IL1A: variants seen among roughly 807,000 people sequenced by gnomAD.
IL1A encodes the protein interleukin-1 alpha.
A neutral mutation model predicts 22.2 loss-of-function variants in IL1A; 16 were observed. That is an observed-to-expected ratio of 0.72 (90% CI 0.49 to 1.09). IL1A has a LOEUF of 1.09. Ranked by LOEUF, IL1A falls within the 50% of genes least tolerant of loss-of-function variation. The pLI, the probability that IL1A is intolerant of heterozygous loss-of-function variation, is 0.00. For missense variants in IL1A, 317 were observed against 321.8 expected (o/e 0.99, Z 0.11); for synonymous variants, 113 against 118.5 (o/e 0.95, Z 0.30).
At chr2:112,778,679 A>G (rs985552003) in intron 5 of IL1A, among the ~76,000 whole-genome samples, 2 of 152,252 alleles carry the variant, frequency 1.3e-5, no homozygotes, top group African/African-American at 4.8e-5. Context: ...CAATCAAGCT[A>G]TTTAGAGTAA....
rs372496657 is a variant in IL1A at position 112,779,611 on chromosome 2, G to A, written c.375C>T (p.Asn125=). 1.9e-6 allele frequency: 3 copies of A among 1,612,770 alleles called. No individual in the cohort carries two copies. Among genetic ancestry groups the A allele is most frequent in the East Asian group, 2.2e-5 (1 of 44,868 alleles). The change falls in exon 5 of 7, where the codon AAC becomes AAT. Residue 125 remains asparagine (N), a synonymous_variant. Coordinates refer to ENST00000263339, the MANE Select transcript of IL1A (RefSeq NM_000575.5). The stretch of plus-strand genomic sequence containing the variant: ...ATTCGTATTTGATGATCCTCATAAA[G>A]TTGTATTTCACATTGCTCAGGAAGC... The part of the protein sequence containing the change: ...PFSFLSNVKY[N]FMRIIKYEFI...
intron 4 of IL1A, among the ~76,000 whole-genome samples, chr2:112,781,034 A>AAAT (rs990109580): frequency 1.3e-5 from 2 of 151,982 alleles, no homozygotes; most frequent in African/African-American, 2.4e-5. Context: ...AAATAAAATA[A>AAAT]AATAATAATA....
At chr2:112,779,766 T>A in intron 4 of IL1A, 100 bp from the exon 5 acceptor site, 1 of 755,812 alleles carries the variant, frequency 1.3e-6, no homozygotes. Context: ...GAGGGGATAT[T>A]AGGAATATTC....
intron 5 of IL1A, among the ~76,000 whole-genome samples, chr2:112,779,246 G>T (rs564063078): frequency 4.5e-4 from 69 of 152,116 alleles, no homozygotes; most frequent in African/African-American, 1.6e-3. Flanking sequence ...ACATCAGCTA[G>T]CTTTGTGCAC....
At position 112,782,568 on chromosome 2, in the gene IL1A, G is replaced by A; in HGVS notation, c.96+148C>T. On this transcript the variant is annotated intron_variant, in intron 3 of 6. Transcript: ENST00000263339. The stretch of plus-strand genomic sequence containing the variant: ...AACTATTAGTTTAGAGAGGCAGCTG[G>A]TCTCACTTATAATGAAAGACAGGTC... 1.1e-5 allele frequency: 7 copies of A among 622,412 alleles called. No homozygotes were observed. In the South Asian group the frequency reaches 1.4e-4, roughly 12 times the overall value. The allele number at this position is 622,412 out of a possible 1,614,324, so 38.6% of individuals were successfully genotyped here.
intron 4 of IL1A, among the ~76,000 whole-genome samples, chr2:112,780,260 T>C (rs983961166): frequency 2.0e-5 from 3 of 152,220 alleles, no homozygotes; most frequent in African/African-American, 7.2e-5. Flanking sequence ...AAAAGCTGGA[T>C]ATAAAGTTGT....
At chr2:112,780,743 A>T in intron 4 of IL1A, among the ~76,000 whole-genome samples, 1 of 77,120 alleles carries the variant, frequency 1.3e-5, no homozygotes, top group East Asian at 2.1e-4. Context: ...TAGTAATAAT[A>T]ATAATAATCA....
At chr2:112,779,706 C>T (rs1681163345) in intron 4 of IL1A, 40 bp from the exon 5 acceptor site, 3 of 1,488,878 alleles carry the variant, frequency 2.0e-6, no homozygotes, top group African/African-American at 1.4e-5. Flanking sequence ...TGTCTATGTA[C>T]AAACACAGAT....
chr2:112,784,157 GGATAGTA>G (rs946819381), intron 1 of IL1A, among the ~76,000 whole-genome samples: 3 of 152,174 alleles, frequency 2.0e-5, no homozygotes, highest in Admixed American at 6.5e-5. Flanking sequence ...TAATAATTTT[GGATAGTA>G]GAGATTCCCT....
intron 6 of IL1A, among the ~76,000 whole-genome samples, chr2:112,777,514 A>G (rs1038184265): frequency 3.3e-5 from 5 of 152,212 alleles, no homozygotes; most frequent in South Asian, 4.1e-4. Context: ...TAATGCTGAC[A>G]TCAATGCAGA....
chr2:112,778,574 T>G (rs961383124), intron 5 of IL1A, among the ~76,000 whole-genome samples: 1 of 152,198 alleles, frequency 6.6e-6, no homozygotes, highest in African/African-American at 2.4e-5. Context: ...GCTGTCAAAT[T>G]ATTTGTGCCC....
In IL1A at chr2:112,782,773, A is replaced by G. The variant is rs373998724; in HGVS notation, c.48-9T>C. ...TGTCTTCTTCATTTTCACTGTCAAA[A>G]TAAGATGATGAGAATGTAATTGTTG... On this transcript the variant is annotated splice_polypyrimidine_tract_variant and intron_variant, in intron 2 of 6. Coordinates refer to ENST00000263339, the MANE Select transcript of IL1A (RefSeq NM_000575.5). The G allele has an allele frequency of 1.8e-5, 28 of 1,595,664 alleles. No homozygotes were observed. In the African/African-American group the frequency reaches 3.4e-4, roughly 19 times the overall value.
chr2:112,781,913 A>G (rs779085314), intron 3 of IL1A, 87 bp from the exon 4 acceptor site: 27 of 867,388 alleles, frequency 3.1e-5, no homozygotes, highest in Non-Finnish European at 5.2e-5. Context: ...CAACAGAGGT[A>G]GTGAGGAGGA....
At chr2:112,775,749 AACACACGCACACACAT>A (rs1458631501) in intron 6 of IL1A, among the ~76,000 whole-genome samples, 1 of 152,100 alleles carries the variant, frequency 6.6e-6, no homozygotes, top group African/African-American at 2.4e-5. Flanking sequence ...TTGAAGGTTA[AACACACGCACACACAT>A]ACACACACAC....
chr2:112,779,508 G>C lies in IL1A; in HGVS notation c.478C>G (p.Leu160Val). 1 of 1,585,814 alleles carries C rather than the reference G, an allele frequency of 6.3e-7. No homozygotes were observed. The highest frequency in any genetic ancestry group is 8.6e-7 in the Non-Finnish European group (1 of 1,157,380). ...QYLTAAALHN[L>V]DEAVKFDMGA... Reference sequence around the variant, plus strand: ...CATTTTAATGTACCTGCTTCATCCAGATTATGTAATGCAGCAGCCGTGAGG... The same window carrying C: ...CATTTTAATGTACCTGCTTCATCCACATTATGTAATGCAGCAGCCGTGAGG... The change falls in exon 5 of 7, where the codon CTG (leucine) becomes GTG (valine). Residue 160 changes from leucine (L) to valine (V), a missense_variant. By Grantham distance (32) the Leu-to-Val change is conservative. Transcript: ENST00000263339.
intron 6 of IL1A, 123 bp from the exon 7 acceptor site, chr2:112,775,390 G>C (rs1681083407): frequency 1.5e-6 from 1 of 674,866 alleles, no homozygotes; most frequent in Non-Finnish European, 2.6e-6. Context: ...GTAACATGAT[G>C]CTATAGGCTC....
chr2:112,778,087 T>G lies in IL1A; in HGVS notation c.515A>C (p.Lys172Thr). ...AATTTTAGCATCATCCTTTGATGAC[T>G]TATAAGCACCCATGTCAAATTTCAC... ...EAVKFDMGAY[K>T]SSKDDAKITV... is the part of the protein sequence containing the mutation. Residue 172 changes from lysine to threonine, a missense_variant, in exon 6 of 7, where the codon AAG becomes ACG. Coordinates refer to ENST00000263339, the MANE Select transcript of IL1A (RefSeq NM_000575.5). 6.2e-7 allele frequency: 1 copy of G among 1,613,336 alleles called. No homozygotes were observed. The highest frequency in any genetic ancestry group is 8.5e-7 in the Non-Finnish European group (1 of 1,179,416).
rs1681235246 is a variant in IL1A, at chr2:112,782,749, GTCT to G, written c.60_62del (p.Glu20del). 1.2e-6 allele frequency: 2 copies of G among 1,608,198 alleles called. No homozygotes were observed. The highest frequency in any genetic ancestry group is 1.7e-6 in the Non-Finnish European group (2 of 1,174,852). On this transcript the variant is annotated inframe_deletion, in exon 3 of 7. Transcript: ENST00000263339. ...GAGACAGATGATCAATGGAGGAACTGTCTTCTTCATTTTCACTGTCAAAATAAG... is the reference window on the plus strand; with the variant it reads ...GAGACAGATGATCAATGGAGGAACTGTCTTCATTTTCACTGTCAAAATAAG...
intron 5 of IL1A, among the ~76,000 whole-genome samples, chr2:112,778,858 A>C (rs1681146020): frequency 6.6e-6 from 1 of 152,246 alleles, no homozygotes; most frequent in Admixed American, 6.5e-5. Context: ...GCTGAAGTGC[A>C]TCCAATCAGA....
Sources: allele counts gnomAD v4.1 joint callset (sites outside exome capture counted in the v4.1 genomes callset), GRCh38; gene constraint gnomAD v4.1.1; transcripts MANE v1.5; gene names NCBI Gene and HGNC (gene_info 2026-07-23, HGNC 2026-07-21).